PDE2A: variants seen among roughly 807,000 people sequenced by gnomAD.
PDE2A encodes the protein phosphodiesterase 2A.
In PDE2A, 53 loss-of-function variants were observed where a neutral mutation model predicts 133.6. That is an observed-to-expected ratio of 0.40 (90% CI 0.32 to 0.50). The LOEUF is 0.50. PDE2A is among the 20% of genes least tolerant of loss of function. The probability of loss-of-function intolerance (pLI) is 0.73; values close to 1 mark genes in which losing one functional copy is unlikely to be tolerated. For synonymous variants in PDE2A, 491 were observed against 490.2 expected (o/e 1.00, Z -0.02); for missense variants, 796 against 1,232.4 (o/e 0.65, Z 5.30).
intron 2 of PDE2A, among the ~76,000 whole-genome samples, chr11:72,623,272 C>G (rs977503271): frequency 6.6e-6 from 1 of 152,116 alleles, no homozygotes; most frequent in Non-Finnish European, 1.5e-5. Context: ...CATCCACACA[C>G]CGACCCTCCC....
rs2135265308 is a variant in PDE2A at position 72,578,100 on chromosome 11, A to G, written c.2615+133T>C. On this transcript the variant is annotated intron_variant, in intron 30 of 30. Transcript: ENST00000334456. This position sits in a 1 kb window ranked among gnomAD's most constrained non-coding sequence, Gnocchi z 4.2. ...CTGAGGGGCACAGCGGGAGACAGTT[A>G]TGCCCAGAGGCAAGGGGATGAATCA... The G allele has an allele frequency of 1.5e-6, 1 of 688,730 alleles. No homozygotes were observed. Among genetic ancestry groups the G allele is most frequent in the Admixed American group, 2.0e-5 (1 of 49,822 alleles). The allele number at this position is 688,730 out of a possible 1,614,324, so 42.7% of individuals were successfully genotyped here.
intron 2 of PDE2A, among the ~76,000 whole-genome samples, chr11:72,627,211 A>T (rs936693042): frequency 2.0e-5 from 3 of 152,174 alleles, no homozygotes; most frequent in African/African-American, 7.2e-5. Context: ...CAAGCACCAC[A>T]TGGGCCCAAG....
At chr11:72,579,495 G>A in intron 26 of PDE2A, 39 bp downstream of exon 26, 1 of 1,568,530 alleles carries the variant, frequency 6.4e-7, no homozygotes, top group East Asian at 2.3e-5. Context: ...CCAGCTCCCA[G>A]CTCCCCCTCA....
At chr11:72,631,087 G>T in intron 2 of PDE2A, 1 of 1,549,102 alleles carries the variant, frequency 6.5e-7, no homozygotes, top group Non-Finnish European at 8.7e-7. Flanking sequence ...CCTCCAGTCG[G>T]TCGTCTCTAC....
chr11:72,668,493 C>T (rs941924058), intron 1 of PDE2A: 2 of 702,500 alleles, frequency 2.8e-6, no homozygotes, highest in African/African-American at 3.5e-5. Context: ...ACCTGCACCC[C>T]CCAACACATA....
rs1591057777 is a variant in PDE2A, at chr11:72,605,296, A to G, written c.235-70T>C. 7 of 886,954 alleles carry G rather than the reference A, an allele frequency of 7.9e-6. No individual in the cohort carries two copies. The East Asian group carries it at 2.0e-4, about 25-fold the overall frequency. The allele number at this position is 886,954 out of a possible 1,614,324, so 54.9% of individuals were successfully genotyped here. On this transcript the variant is annotated intron_variant, in intron 3 of 30. Coordinates refer to ENST00000334456, the MANE Select transcript of PDE2A (RefSeq NM_002599.5). ...AGCTGCCCAGTCCCAGCCTGTACAC[A>G]GGGGTCTGTGGGGCAAGGTCATGGA...
intron 6 of PDE2A, among the ~76,000 whole-genome samples, chr11:72,593,251 A>G (rs1172704709): frequency 6.6e-6 from 1 of 152,026 alleles, no homozygotes; most frequent in African/African-American, 2.4e-5. Context: ...TACAGTGTCC[A>G]CAGCATCCCC....
chr11:72,617,174 C>G (rs1185064805), intron 2 of PDE2A, among the ~76,000 whole-genome samples: 1 of 152,222 alleles, frequency 6.6e-6, no homozygotes, highest in Non-Finnish European at 1.5e-5. Context: ...TATCTGCCTC[C>G]AGGCCAGAGA....
Position 72,578,365 on chromosome 11 carries a change from G to C in PDE2A, c.2509-26C>G. 1 of 1,586,978 alleles carries C rather than the reference G, an allele frequency of 6.3e-7. No individual in the cohort carries two copies. Among genetic ancestry groups the C allele is most frequent in the Non-Finnish European group, 8.7e-7 (1 of 1,155,398 alleles). The stretch of plus-strand genomic sequence containing the variant: ...CTGCAGGCATCGAGTCGTCAGGCCT[G>C]TCCCTCTCATTCCTCCATCGGGTAC... On this transcript the variant is annotated intron_variant, in intron 29 of 30. Transcript: ENST00000334456. This position sits in a 1 kb window ranked among gnomAD's most constrained non-coding sequence, Gnocchi z 4.2.
At chr11:72,640,543 A>G (rs1858909935) in intron 2 of PDE2A, among the ~76,000 whole-genome samples, 1 of 152,038 alleles carries the variant, frequency 6.6e-6, no homozygotes. Flanking sequence ...ACATTCAAAC[A>G]CCAGCACTCA....
chr11:72,617,326 G>A (rs934018191), intron 2 of PDE2A, among the ~76,000 whole-genome samples: 8 of 152,296 alleles, frequency 5.3e-5, no homozygotes, highest in Admixed American at 1.3e-4. Context: ...GGTGGATGGC[G>A]GGAGGCAAGC....
intron 16 of PDE2A, 158 bp from the exon 17 acceptor site, chr11:72,585,102 T>A: frequency 1.5e-6 from 1 of 666,864 alleles, no homozygotes; most frequent in Non-Finnish European, 2.5e-6. Flanking sequence ...AACGTGTCCA[T>A]TCAAGTGTTT....
intron 4 of PDE2A, among the ~76,000 whole-genome samples, chr11:72,604,204 T>G (rs886889579): frequency 6.6e-6 from 1 of 152,214 alleles, no homozygotes; most frequent in African/African-American, 2.4e-5. Context: ...AGAGCCTGCC[T>G]CCTCCCAGCA....
chr11:72,614,940 T>A (rs1250364550), intron 2 of PDE2A: 1 of 338,052 alleles, frequency 3.0e-6, no homozygotes, highest in African/African-American at 2.1e-5. Context: ...AGGAGGGACC[T>A]GCCAGAGACC....
intron 1 of PDE2A, among the ~76,000 whole-genome samples, chr11:72,647,907 G>A (rs896341946): frequency 6.6e-6 from 1 of 152,218 alleles, no homozygotes; most frequent in African/African-American, 2.4e-5. Context: ...ACTTATATGT[G>A]TATACACAGA....
intron 2 of PDE2A, among the ~76,000 whole-genome samples, chr11:72,614,481 G>T (rs1281999529): frequency 6.6e-6 from 1 of 152,136 alleles, no homozygotes; most frequent in Non-Finnish European, 1.5e-5. Context: ...GTGGCTAGAG[G>T]TTTCCACCAG....
rs142904155 is a variant in PDE2A at position 72,628,235 on chromosome 11, G to T, written c.144+14019C>A. On this transcript the variant is annotated intron_variant, in intron 2 of 30. Transcript: ENST00000334456. ...AGGATCTGCCATGTGCCAGGCCTGC[G>T]CCGGGCACCCCACACATACAGTCTT... Among the ~76,000 whole-genome samples the T allele has an allele frequency of 6.7e-3, 1,025 of 152,294 alleles. 15 individuals are homozygous for T. Among genetic ancestry groups the T allele is most frequent in the African/African-American group, 0.024 (978 of 41,568 alleles).
In PDE2A at chr11:72,586,190, G is replaced by A. The variant is rs1256216973; in HGVS notation, c.1071-9C>T. ...CGTCCTCGTCGGTGAACCTGGAGGA[G>A]GGGGTGGGCTCACTCAGGAGGGAAG... On this transcript the variant is annotated splice_polypyrimidine_tract_variant and intron_variant, in intron 13 of 30. Coordinates refer to ENST00000334456, the MANE Select transcript of PDE2A (RefSeq NM_002599.5). 1 of 1,541,082 alleles carries A rather than the reference G, an allele frequency of 6.5e-7. No individual in the cohort carries two copies. The highest frequency in any genetic ancestry group is 1.1e-5 in the South Asian group (1 of 88,244).
At chr11:72,581,550 C>T in intron 22 of PDE2A, 71 bp from the exon 23 acceptor site, 10 of 1,489,018 alleles carry the variant, frequency 6.7e-6, no homozygotes, top group Non-Finnish European at 9.1e-6. Context: ...TGATGGCAAA[C>T]TACATGTCCC....
Sources: allele counts gnomAD v4.1 joint callset (sites outside exome capture counted in the v4.1 genomes callset), GRCh38; gene constraint gnomAD v4.1.1; non-coding constraint Gnocchi (gnomAD v3.1); transcripts MANE v1.5; gene names NCBI Gene and HGNC (gene_info 2026-07-23, HGNC 2026-07-21).